The following SFT2D2 variants were observed in gnomAD, a reference collection of about 807,000 sequenced individuals.
SFT2D2 encodes SFT2 domain containing 2, also known as vesicle transport protein SFT2B.
SFT2D2 carries 21 observed loss-of-function variants against 27.4 expected under a neutral mutation model. The ratio of observed to expected loss-of-function variants is 0.77; its 90% CI spans 0.54 to 1.10. The LOEUF (loss-of-function observed/expected upper bound fraction) is 1.10. SFT2D2 is among the 50% of genes least tolerant of loss of function. The pLI is 0.00. For missense variants in SFT2D2, 187 were observed against 194.2 expected (o/e 0.96, Z 0.22); for synonymous variants, 72 against 71.7 (o/e 1.00, Z -0.02).
Position 168,245,977 on chromosome 1 carries a change from G to T in SFT2D2, c.*3437G>T. The T allele has an allele frequency of 5.5e-6, 1 of 181,720 alleles. No homozygotes were observed. Among genetic ancestry groups the T allele is most frequent in the South Asian group, 1.1e-4 (1 of 8,816 alleles). The allele number at this position is 181,720 out of a possible 1,614,324, so 11.3% of individuals were successfully genotyped here. The stretch of plus-strand genomic sequence containing the variant: ...TTTTCTTGAAATTGAATTCTCATCT[G>T]ACCTAATTTCTTCCTTGAATCCTAC... On this transcript the variant is annotated 3_prime_UTR_variant, in exon 8 of 8. Transcript: ENST00000271375.
In SFT2D2 at chr1:168,226,143, G is replaced by A; in HGVS notation, c.63+1G>A. 6.5e-7 allele frequency: 1 copy of A among 1,532,742 alleles called. No homozygotes were observed. Among genetic ancestry groups the A allele is most frequent in the Non-Finnish European group, 8.8e-7 (1 of 1,139,210 alleles). The allele number at this position is 1,532,742 out of a possible 1,614,324, so 94.9% of individuals were successfully genotyped here. A position where few individuals can be genotyped will look rare whatever the true frequency, so the allele number is the denominator to read the frequency against. On this transcript the variant is annotated splice_donor_variant, in intron 1 of 7. Transcript: ENST00000271375. LOFTEE classifies it high-confidence loss of function. ...GGAGGACCGGAGCGGCCTGTCCGAG[G>A]TGAGTGAGCCCGGGGCCGTCGGCCC...
At chr1:168,240,718 C>G (rs939153308) in intron 7 of SFT2D2, among the ~76,000 whole-genome samples, 1 of 152,118 alleles carries the variant, frequency 6.6e-6, no homozygotes, top group African/African-American at 2.4e-5. Context: ...TCAAGACCAG[C>G]TTGACCAACG....
chr1:168,233,544 T>C (rs1445390724), intron 3 of SFT2D2, among the ~76,000 whole-genome samples: 2 of 152,240 alleles, frequency 1.3e-5, no homozygotes, highest in Non-Finnish European at 2.9e-5. Flanking sequence ...TCTGGCTACC[T>C]GTGTAAAGCT....
intron 3 of SFT2D2, among the ~76,000 whole-genome samples, chr1:168,233,280 C>T (rs1485627956): frequency 6.6e-6 from 1 of 152,208 alleles, no homozygotes; most frequent in Non-Finnish European, 1.5e-5. Context: ...AGACCTGGCT[C>T]AAAAGCTACC....
chr1:168,244,308 GC>G lies in SFT2D2; in HGVS notation c.*1769del, dbSNP rs1647742846. 1.3e-5 allele frequency: 2 copies of G among 152,356 alleles called. No homozygotes were observed. The highest frequency in any genetic ancestry group is 2.9e-5 in the Non-Finnish European group (2 of 68,308). The allele number at this position is 152,356 out of a possible 1,614,324, so 9.4% of individuals were successfully genotyped here. Reference sequence around the variant, plus strand: ...TTCTCCTGCCTCAGCCTTCCAAGTAGCTGGGATTACAGGTGCCCGCCACCAC... The same window carrying G: ...TTCTCCTGCCTCAGCCTTCCAAGTAGTGGGATTACAGGTGCCCGCCACCAC... On this transcript the variant is annotated 3_prime_UTR_variant, in exon 8 of 8. Transcript: ENST00000271375.
At position 168,246,676 on chromosome 1, in the gene SFT2D2, A is replaced by G; in HGVS notation, c.*4136A>G. On this transcript the variant is annotated 3_prime_UTR_variant, in exon 8 of 8. Transcript: ENST00000271375. ...TGAGTGACTTTGATCATGATCATGT[A>G]GAGCAACATTCAGTCTACGATGGTA... 8.3e-7 allele frequency: 1 copy of G among 1,199,378 alleles called. No homozygotes were observed. The highest frequency in any genetic ancestry group is 1.2e-6 in the Non-Finnish European group (1 of 823,172). 74.3% of individuals were successfully genotyped at this position (1,199,378 alleles called of 1,614,324 possible). A position where few individuals can be genotyped will look rare whatever the true frequency, so the allele number is the denominator to read the frequency against.
intron 1 of SFT2D2, among the ~76,000 whole-genome samples, chr1:168,229,329 C>T (rs1700490348): frequency 6.6e-6 from 1 of 152,224 alleles, no homozygotes; most frequent in Non-Finnish European, 1.5e-5. Flanking sequence ...AGGCCATTCT[C>T]TGGAATCTCA....
In SFT2D2 at chr1:168,231,939, C is replaced by T. The variant is rs773753063; in HGVS notation, c.236+20C>T. 1 of 1,601,892 alleles carries T rather than the reference C, an allele frequency of 6.2e-7. No individual in the cohort carries two copies. The highest frequency in any genetic ancestry group is 8.6e-7 in the Non-Finnish European group (1 of 1,169,068). On this transcript the variant is annotated intron_variant, in intron 3 of 7. Coordinates refer to ENST00000271375, the MANE Select transcript of SFT2D2 (RefSeq NM_199344.3). ...TGGGAGGTAACTGTTTTTTAAAAAT[C>T]CAATTTTAGCCAATCATTAGATGGG...
At position 168,242,611 on chromosome 1, in the gene SFT2D2, T is replaced by A; in HGVS notation, c.*71T>A. The A allele has an allele frequency of 6.4e-7, 1 of 1,560,822 alleles. No homozygotes were observed. Among genetic ancestry groups the A allele is most frequent in the African/African-American group, 1.4e-5 (1 of 73,928 alleles). Reference sequence around the variant, plus strand: ...GCTGGTGGACAGTTTTGTAACTATCTTCGAAACCTCTGTCTTACAGACATG... The same window carrying A: ...GCTGGTGGACAGTTTTGTAACTATCATCGAAACCTCTGTCTTACAGACATG... On this transcript the variant is annotated 3_prime_UTR_variant, in exon 8 of 8. Coordinates refer to ENST00000271375, the MANE Select transcript of SFT2D2 (RefSeq NM_199344.3).
chr1:168,235,211 C>G (rs769323444), intron 4 of SFT2D2, 29 bp downstream of exon 4: 17 of 1,599,308 alleles, frequency 1.1e-5, no homozygotes, highest in Non-Finnish European at 1.3e-5. Context: ...CTGGACTTCT[C>G]AGATGGGAGT....
Position 168,226,076 on chromosome 1 carries a change from C to T in SFT2D2, c.-4C>T, listed in dbSNP as rs1041858773. ...GAGCTGGAGCTGGTGGGGACTGGGC[C>T]GCAATGGACAAGCTGAAGAAGGTGC... On this transcript the variant is annotated 5_prime_UTR_variant, in exon 1 of 8. Coordinates refer to ENST00000271375, the MANE Select transcript of SFT2D2 (RefSeq NM_199344.3). 1 of 1,531,266 alleles carries T rather than the reference C, an allele frequency of 6.5e-7. No individual in the cohort carries two copies. The highest frequency in any genetic ancestry group is 8.8e-7 in the Non-Finnish European group (1 of 1,138,104). 94.9% of individuals were successfully genotyped at this position (1,531,266 alleles called of 1,614,324 possible).
In SFT2D2 at chr1:168,226,034, A is replaced by C. The variant is rs1298193849; in HGVS notation, c.-46A>C. ...GAAGAGCCGTCAACTTAGCGAGCGC[A>C]ACAGGCTGCCGCTGAGGAGCTGGAG... On this transcript the variant is annotated 5_prime_UTR_variant, in exon 1 of 8. Transcript: ENST00000271375. 5 of 1,475,494 alleles carry C rather than the reference A, an allele frequency of 3.4e-6. No individual in the cohort carries two copies. The highest frequency in any genetic ancestry group is 1.3e-5 in the South Asian group (1 of 75,640). The allele number at this position is 1,475,494 out of a possible 1,614,324, so 91.4% of individuals were successfully genotyped here.
At chr1:168,231,668 C>T in intron 2 of SFT2D2, 68 bp downstream of exon 2, 3 of 1,522,530 alleles carry the variant, frequency 2.0e-6, no homozygotes, top group African/African-American at 2.7e-5. Context: ...CCCTTTTGTC[C>T]ACCTCCTTTC....
At chr1:168,240,174 CAAAAA>C (rs71299093) in intron 7 of SFT2D2, among the ~76,000 whole-genome samples, 4 of 103,226 alleles carry the variant, frequency 3.9e-5, no homozygotes, top group Non-Finnish European at 2.0e-5. Context: ...GACTCTGTCT[CAAAAA>C]AAAAAAAAAA....
intron 4 of SFT2D2, 86 bp downstream of exon 4, chr1:168,235,268 C>A: frequency 7.7e-7 from 1 of 1,302,062 alleles, no homozygotes. Flanking sequence ...ATCTAAAGAC[C>A]TCTTCTCTTT....
chr1:168,241,151 G>A (rs936292455), intron 7 of SFT2D2, among the ~76,000 whole-genome samples: 1 of 150,174 alleles, frequency 6.7e-6, no homozygotes, highest in African/African-American at 2.4e-5. Flanking sequence ...CTGAGGAGAC[G>A]AATTACTCCT....
At chr1:168,231,707 A>G (rs1647318256) in intron 2 of SFT2D2, 107 bp downstream of exon 2, 3 of 1,431,566 alleles carry the variant, frequency 2.1e-6, no homozygotes, top group South Asian at 2.3e-5. Context: ...AAATGCATGG[A>G]TGAGAGGAGA....
At chr1:168,234,259 TGGC>T (rs1647411403) in intron 3 of SFT2D2, among the ~76,000 whole-genome samples, 1 of 152,050 alleles carries the variant, frequency 6.6e-6, no homozygotes, top group African/African-American at 2.4e-5. Flanking sequence ...CTGGGTGTGG[TGGC>T]GTGTGCCTGT....
chr1:168,237,136 A>G (rs1647525336), intron 6 of SFT2D2, among the ~76,000 whole-genome samples: 1 of 152,250 alleles, frequency 6.6e-6, no homozygotes, highest in Admixed American at 6.5e-5. Flanking sequence ...TTGTGAGTCC[A>G]ATAGAGGTTA....
Sources: allele counts gnomAD v4.1 joint callset (sites outside exome capture counted in the v4.1 genomes callset), GRCh38; gene constraint gnomAD v4.1.1; transcripts MANE v1.5; gene names NCBI Gene and HGNC (gene_info 2026-07-23, HGNC 2026-07-21).